Variants in RPSA2 observed in about 807,000 individuals in gnomAD.
RPSA2 encodes the protein small ribosomal subunit protein uS2B.
At chr19:23,780,475 G>A in the RPSA2 span, among the ~76,000 whole-genome samples, 2 of 151,888 alleles carry the variant, frequency 1.3e-5, no homozygotes, top group Admixed American at 6.6e-5. Context: ...AACCCCATCT[G>A]TACTAAAAAT....
the RPSA2 span, among the ~76,000 whole-genome samples, chr19:23,794,734 G>C: frequency 2.0e-5 from 3 of 151,950 alleles, no homozygotes; most frequent in African/African-American, 4.8e-5. Flanking sequence ...AATGGCTTTT[G>C]GTATCTTCAT....
chr19:23,806,493 C>A, the RPSA2 span, among the ~76,000 whole-genome samples: 1 of 151,844 alleles, frequency 6.6e-6, no homozygotes, highest in African/African-American at 2.4e-5. Context: ...CCAAAAAGTT[C>A]TGAGAAAAGT....
chr19:23,865,413 G>A, the RPSA2 span, among the ~76,000 whole-genome samples: 1 of 152,156 alleles, frequency 6.6e-6, no homozygotes. Context: ...CACAGTAGGA[G>A]AGGGATTGAA....
chr19:23,861,784 G>A, the RPSA2 span, among the ~76,000 whole-genome samples: 148,947 of 152,276 alleles, frequency 0.98, 72,939 homozygotes, highest in Middle Eastern at 1. Context: ...TGAATAGCTA[G>A]GCTGTAATTT....
At chr19:23,829,090 C>T in the RPSA2 span, among the ~76,000 whole-genome samples, 5 of 152,080 alleles carry the variant, frequency 3.3e-5, no homozygotes, top group Non-Finnish European at 7.4e-5. Context: ...TAAGATGTAG[C>T]TTGTGTGATA....
the RPSA2 span, among the ~76,000 whole-genome samples, chr19:23,761,927 T>TCTCTCTCTCTCTCTCTCTC: frequency 1.1e-4 from 7 of 62,388 alleles, no homozygotes; most frequent in Non-Finnish European, 1.4e-4. Context: ...TTTCTTTTTT[T>TCTCTCTCTCTCTCTCTCTC]TTTTTTTTGA....
the RPSA2 span, among the ~76,000 whole-genome samples, chr19:23,795,647 A>C: frequency 6.6e-6 from 1 of 151,982 alleles, no homozygotes; most frequent in Admixed American, 6.6e-5. Flanking sequence ...CTCTCTGTTT[A>C]AGTTCCTTTT....
chr19:23,778,995 CTT>C, the RPSA2 span, among the ~76,000 whole-genome samples: 24 of 80,694 alleles, frequency 3.0e-4, no homozygotes, highest in South Asian at 5.7e-3. Flanking sequence ...TTTTGTGACA[CTT>C]TTTTTTTTTT....
chr19:23,808,501 G>A, the RPSA2 span, among the ~76,000 whole-genome samples: 1 of 151,880 alleles, frequency 6.6e-6, no homozygotes, highest in Non-Finnish European at 1.5e-5. Context: ...TCCCGACCTC[G>A]TGATCCCAGC....
chr19:23,832,461 A>G, the RPSA2 span: 1 of 487,242 alleles, frequency 2.1e-6, no homozygotes. Context: ...TACACACTGG[A>G]GAGAAACCCA....
the RPSA2 span, among the ~76,000 whole-genome samples, chr19:23,865,353 C>T: frequency 2.0e-5 from 3 of 152,178 alleles, no homozygotes; most frequent in Admixed American, 6.5e-5. Context: ...GGTTATTACA[C>T]ATAACCCATT....
At chr19:23,759,047 A>G in the RPSA2 span, among the ~76,000 whole-genome samples, 1 of 152,180 alleles carries the variant, frequency 6.6e-6, no homozygotes, top group East Asian at 1.9e-4. Context: ...TGCTGAATGA[A>G]GACTAACAAC....
chr19:23,838,166 T>C, the RPSA2 span, among the ~76,000 whole-genome samples: 17 of 152,226 alleles, frequency 1.1e-4, no homozygotes, highest in African/African-American at 3.9e-4. Flanking sequence ...ATGTTGGATT[T>C]TGTTGAATGT....
chr19:23,854,225 G>A, the RPSA2 span, among the ~76,000 whole-genome samples: 1 of 152,168 alleles, frequency 6.6e-6, no homozygotes, highest in South Asian at 2.1e-4. Context: ...TCCTTTAGCA[G>A]AGGTGGATGC....
chr19:23,846,099 T>C, the RPSA2 span, among the ~76,000 whole-genome samples: 1 of 152,172 alleles, frequency 6.6e-6, no homozygotes, highest in East Asian at 1.9e-4. Flanking sequence ...TTTAATAATA[T>C]TTCTTTTTAA....
chr19:23,764,972 A>G, the RPSA2 span, among the ~76,000 whole-genome samples: 1 of 152,134 alleles, frequency 6.6e-6, no homozygotes, highest in Non-Finnish European at 1.5e-5. Flanking sequence ...GTAACTCAAC[A>G]TACCCACAGT....
At chr19:23,833,096 G>C in the RPSA2 span, 1 of 1,267,090 alleles carries the variant, frequency 7.9e-7, no homozygotes. Flanking sequence ...CTGTCTTCAA[G>C]CTTTACTAAA....
At chr19:23,774,242 A>G in the RPSA2 span, among the ~76,000 whole-genome samples, 20 of 152,180 alleles carry the variant, frequency 1.3e-4, no homozygotes, top group Admixed American at 6.5e-5. Context: ...CCCTGACCAC[A>G]TAAGCAATTA....
At chr19:23,818,554 C>G in the RPSA2 span, 1 of 152,510 alleles carries the variant, frequency 6.6e-6, no homozygotes, top group Non-Finnish European at 1.5e-5. Context: ...TTTCTCATTT[C>G]TGTAGATTTC....
Sources: allele counts gnomAD v4.1 joint callset (sites outside exome capture counted in the v4.1 genomes callset), GRCh38; gene constraint gnomAD v4.1.1; transcripts MANE v1.5; gene names NCBI Gene and HGNC (gene_info 2026-07-23, HGNC 2026-07-21).